DNAH12: variants seen among roughly 807,000 people sequenced by gnomAD.
The protein encoded by DNAH12 is dynein axonemal heavy chain 12.
In DNAH12, 285 loss-of-function variants were observed where a neutral mutation model predicts 371.5. That is an observed-to-expected ratio of 0.77 (90% CI 0.70 to 0.85). DNAH12 has a LOEUF of 0.85. DNAH12 is among the 40% of genes least tolerant of loss of function. The pLI, the probability that DNAH12 is intolerant of heterozygous loss-of-function variation, is 0.00. For synonymous variants in DNAH12, 1,200 were observed against 1,213.0 expected (o/e 0.99, Z 0.22); for missense variants, 3,611 against 3,689.4 (o/e 0.98, Z 0.55).
At chr3:57,506,549 C>G (rs1455812217) in intron 8 of DNAH12, among the ~76,000 whole-genome samples, 2 of 152,124 alleles carry the variant, frequency 1.3e-5, no homozygotes, top group Non-Finnish European at 2.9e-5. Flanking sequence ...TCAAACTATT[C>G]TCGTGCCTCA....
chr3:57,471,354 T>A (rs950962500), intron 15 of DNAH12, 118 bp downstream of exon 15: 3 of 880,128 alleles, frequency 3.4e-6, no homozygotes, highest in Non-Finnish European at 4.5e-6. Context: ...TATAGAAAAA[T>A]ATAGAGTAAA....
intron 59 of DNAH12, among the ~76,000 whole-genome samples, chr3:57,355,575 T>C (rs950586422): frequency 2.0e-4 from 31 of 152,304 alleles, no homozygotes; most frequent in Non-Finnish European, 4.1e-4. Flanking sequence ...CTGGGTCATA[T>C]GGCAAATCTA....
rs2067659197 is a variant in DNAH12 at position 57,504,081 on chromosome 3, G to A, written c.1021C>T (p.Pro341Ser). The part of the protein sequence containing the change: ...TFDDDKMEFY[P>S]TFQDLEDNVL... ...TTATCTTCCAAATCTTGAAAGGTAG[G>A]ATAAAATTCCATTTTGTCGTCATCA... The change falls in exon 9 of 74, where the codon CCT (proline) becomes TCT (serine). Residue 341 changes from proline to serine, a missense_variant. This residue lies in a region of DNAH12 where 1,314 missense variants were observed against 1,398.7 expected (regional missense o/e 0.94). Transcript: ENST00000495027. 6.2e-7 allele frequency: 1 copy of A among 1,613,918 alleles called. No homozygotes were observed. Among genetic ancestry groups the A allele is most frequent in the African/African-American group, 1.3e-5 (1 of 75,010 alleles).
intron 13 of DNAH12, among the ~76,000 whole-genome samples, chr3:57,481,187 A>G (rs539202442): frequency 2.0e-5 from 3 of 152,316 alleles, no homozygotes; most frequent in Admixed American, 2.0e-4. Context: ...TCTCAGCCCA[A>G]AATCTCCTTA....
chr3:57,523,150 A>T (rs928707286), intron 4 of DNAH12, among the ~76,000 whole-genome samples: 2 of 152,174 alleles, frequency 1.3e-5, no homozygotes, highest in Admixed American at 6.6e-5. Flanking sequence ...TGATAGGCCA[A>T]GGTGGGAGGA....
chr3:57,332,479 G>C (rs62252054), intron 62 of DNAH12, among the ~76,000 whole-genome samples: 30,052 of 152,160 alleles, frequency 0.2, 3,227 homozygotes, highest in African/African-American at 0.24. Context: ...ATAGGACTGT[G>C]ATCACTGAGA....
chr3:57,500,045 CTT>C (rs34159826), intron 11 of DNAH12, among the ~76,000 whole-genome samples: 100 of 147,056 alleles, frequency 6.8e-4, no homozygotes, highest in Admixed American at 6.8e-4. Context: ...TCAGAATTAC[CTT>C]TTTTTTTTTT....
At chr3:57,515,002 C>T (rs1330461573) in intron 4 of DNAH12, among the ~76,000 whole-genome samples, 1 of 152,046 alleles carries the variant, frequency 6.6e-6, no homozygotes, top group Non-Finnish European at 1.5e-5. Context: ...AACCTTGTGG[C>T]TAATGGATGA....
At chr3:57,489,355 A>G (rs919350517) in intron 12 of DNAH12, among the ~76,000 whole-genome samples, 154 bp downstream of exon 12, 4 of 152,196 alleles carry the variant, frequency 2.6e-5, no homozygotes, top group African/African-American at 7.2e-5. Context: ...ATCCAGCCCA[A>G]TGGGACTACA....
At chr3:57,332,142 A>G (rs1463346035) in intron 62 of DNAH12, among the ~76,000 whole-genome samples, 1 of 152,206 alleles carries the variant, frequency 6.6e-6, no homozygotes, top group Admixed American at 6.5e-5. Context: ...TGTCATGAAT[A>G]ATTTTTTAAC....
At chr3:57,368,458 A>G (rs2063098303) in intron 55 of DNAH12, among the ~76,000 whole-genome samples, 198 bp from the exon 56 acceptor site, 2 of 152,098 alleles carry the variant, frequency 1.3e-5, no homozygotes, top group South Asian at 4.1e-4. Flanking sequence ...TTTCAAATGA[A>G]GAAATTCAGT....
At chr3:57,486,696 T>C (rs1160328516) in intron 12 of DNAH12, among the ~76,000 whole-genome samples, 1 of 151,836 alleles carries the variant, frequency 6.6e-6, no homozygotes, top group Non-Finnish European at 1.5e-5. Context: ...AGCACACAAA[T>C]ATGTACACTG....
At chr3:57,377,402 G>A (rs1405192361) in intron 52 of DNAH12, among the ~76,000 whole-genome samples, 180 bp from the exon 53 acceptor site, 1 of 151,828 alleles carries the variant, frequency 6.6e-6, no homozygotes, top group African/African-American at 2.4e-5. Context: ...TTATAAAATA[G>A]ATAAATCTGG....
At chr3:57,406,761 C>T (rs2064041025) in intron 40 of DNAH12, among the ~76,000 whole-genome samples, 1 of 152,078 alleles carries the variant, frequency 6.6e-6, no homozygotes, top group Non-Finnish European at 1.5e-5. Context: ...CACCCCCCTT[C>T]TTCTTTATAT....
rs1438674489 is a variant in DNAH12 at position 57,454,760 on chromosome 3, C to CA, written c.3456+14dup. ...TGGAATGAAGGATGTTACTTAAAAG[C>CA]AAACAATGCTTTACCTCCGTCCCGC... On this transcript the variant is annotated intron_variant, in intron 23 of 73. Coordinates refer to ENST00000495027, the MANE Select transcript of DNAH12 (RefSeq NM_001366028.2). The CA allele has an allele frequency of 6.5e-7, 1 of 1,548,870 alleles. No individual in the cohort carries two copies.
intron 69 of DNAH12, among the ~76,000 whole-genome samples, chr3:57,308,154 G>A (rs1421779033): frequency 3.3e-5 from 5 of 152,138 alleles, no homozygotes; most frequent in Admixed American, 6.5e-5. Context: ...CTTGGTCTGG[G>A]TAGACACTTT....
rs991447508 is a variant in DNAH12 at position 57,452,843 on chromosome 3, C to T, written c.3786G>A (p.Leu1262=). The change falls in exon 25 of 74, where the codon TTG becomes TTA. Residue 1262 remains leucine (L), a splice_region_variant and synonymous_variant. Transcript: ENST00000495027. ...TPLTDRCYRT[L]IGAFYLNLGG... ...GAATTAAGATAATTTAAATGCATAC[C>T]AATGTTCTGTAACACCTGTCAGTTA... The T allele has an allele frequency of 1.3e-6, 2 of 1,539,118 alleles. No homozygotes were observed. Among genetic ancestry groups the T allele is most frequent in the Non-Finnish European group, 1.7e-6 (2 of 1,143,294 alleles).
chr3:57,417,117 GC>G (rs1198659422), intron 37 of DNAH12, among the ~76,000 whole-genome samples: 2 of 152,124 alleles, frequency 1.3e-5, no homozygotes. Context: ...GGGCATGGTG[GC>G]AAATGCCTGT....
chr3:57,346,369 A>G (rs1386712368), intron 60 of DNAH12, among the ~76,000 whole-genome samples: 1 of 152,168 alleles, frequency 6.6e-6, no homozygotes, highest in Admixed American at 6.5e-5. Flanking sequence ...TATTTGAATG[A>G]GGACTTAGAT....
Sources: allele counts gnomAD v4.1 joint callset (sites outside exome capture counted in the v4.1 genomes callset), GRCh38; gene constraint gnomAD v4.1.1; regional missense constraint gnomAD v4.1.1; transcripts MANE v1.5; gene names NCBI Gene and HGNC (gene_info 2026-07-23, HGNC 2026-07-21).